Variants in CBLB observed in about 807,000 individuals in gnomAD.
The protein encoded by CBLB is Cbl proto-oncogene B, also known as E3 ubiquitin-protein ligase CBL-B.
In CBLB, 31 loss-of-function variants were observed where a neutral mutation model predicts 104.9. The ratio of observed to expected loss-of-function variants is 0.30; its 90% confidence interval spans 0.22 to 0.40. CBLB has a LOEUF of 0.40. CBLB is among the 10% of genes least tolerant of loss of function. The pLI, the probability that CBLB is intolerant of heterozygous loss-of-function variation, is 1.00. For missense variants in CBLB, 1,062 were observed against 1,214.6 expected, an observed-to-expected ratio of 0.87 and a Z score of 1.87; for synonymous variants, 440 against 422.6, an observed-to-expected ratio of 1.04 and a Z score of -0.51.
intron 4 of CBLB, among the ~76,000 whole-genome samples, chr3:105,769,758 G>A (rs900102297): frequency 1.3e-4 from 20 of 152,238 alleles, no homozygotes; most frequent in Non-Finnish European, 2.9e-4. Flanking sequence ...TCTAAAGCTT[G>A]TGATGTTTAA....
chr3:105,665,754 G>T (rs2152685421), intron 18 of CBLB, among the ~76,000 whole-genome samples: 1 of 150,444 alleles, frequency 6.6e-6, no homozygotes, highest in African/African-American at 2.4e-5. Context: ...TATCTGGCTG[G>T]GCGTGGTGAC....
intron 4 of CBLB, among the ~76,000 whole-genome samples, chr3:105,755,210 G>A (rs2076981678): frequency 1.3e-5 from 2 of 151,800 alleles, no homozygotes; most frequent in South Asian, 2.1e-4. Flanking sequence ...CCCAGAGTGT[G>A]ATATTCCCCT....
intron 3 of CBLB, among the ~76,000 whole-genome samples, chr3:105,822,099 ATTAT>A (rs1000876589): frequency 6.6e-6 from 1 of 152,148 alleles, no homozygotes; most frequent in African/African-American, 2.4e-5. Flanking sequence ...AACTTATATT[ATTAT>A]TTATCATTAT....
Position 105,755,546 on chromosome 3 carries a change from C to A in CBLB, c.567-3928G>T, listed in dbSNP as rs13071152. ...AAATATTTTCATGAAACCACTAGTT[C>A]ATAAAAGGCTACAGGGTTTTAGTTT... is the stretch of plus-strand genomic sequence containing the variant. On this transcript the variant is annotated intron_variant, in intron 4 of 18. Coordinates refer to ENST00000394030, the MANE Select transcript of CBLB (RefSeq NM_170662.5). Among the ~76,000 whole-genome samples, 1,160 of 150,216 alleles carry A rather than the reference C, an allele frequency of 7.7e-3. 10 individuals are homozygous for A. Among genetic ancestry groups the A allele is most frequent in the Non-Finnish European group, 0.011 (765 of 67,668 alleles).
At chr3:105,664,244 T>A (rs2064128032) in intron 18 of CBLB, among the ~76,000 whole-genome samples, 1 of 152,198 alleles carries the variant, frequency 6.6e-6, no homozygotes, top group Non-Finnish European at 1.5e-5. Flanking sequence ...CAAAGGGATT[T>A]AATGTGAAAG....
chr3:105,833,330 A>T (rs2087866978), intron 3 of CBLB, among the ~76,000 whole-genome samples: 1 of 152,216 alleles, frequency 6.6e-6, no homozygotes, highest in Non-Finnish European at 1.5e-5. Context: ...GATTCTGAAG[A>T]ACATTCCAGA....
At chr3:105,665,737 A>G (rs564805351) in intron 18 of CBLB, among the ~76,000 whole-genome samples, 4 of 150,436 alleles carry the variant, frequency 2.7e-5, no homozygotes, top group Admixed American at 2.0e-4. Flanking sequence ...TAAAATTTAT[A>G]TATCTGTATC....
chr3:105,839,926 T>G (rs1386108564), intron 3 of CBLB, among the ~76,000 whole-genome samples: 1 of 152,258 alleles, frequency 6.6e-6, no homozygotes, highest in African/African-American at 2.4e-5. Context: ...CAAAATGTGG[T>G]AAGGAGAATT....
At chr3:105,751,360 A>ATG (rs995577726) in intron 5 of CBLB, 102 bp downstream of exon 5, 93 of 798,936 alleles carry the variant, frequency 1.2e-4, no homozygotes, top group Non-Finnish European at 1.7e-4. Flanking sequence ...ATGTTTGTTT[A>ATG]TGTGTGTGTG....
chr3:105,869,044 G>T, upstream of CBLB: 6 of 1,033,904 alleles, frequency 5.8e-6, no homozygotes, highest in Non-Finnish European at 7.2e-6. Flanking sequence ...CAGGACCCAG[G>T]CTCGGGGCGG....
intron 18 of CBLB, among the ~76,000 whole-genome samples, chr3:105,664,075 A>T (rs2041491837): frequency 6.6e-6 from 1 of 152,114 alleles, no homozygotes; most frequent in Non-Finnish European, 1.5e-5. Context: ...TCCCCTCATC[A>T]TCTAAAGATT....
intron 3 of CBLB, among the ~76,000 whole-genome samples, chr3:105,841,778 A>G (rs1464063208): frequency 1.3e-5 from 2 of 152,138 alleles, no homozygotes; most frequent in African/African-American, 2.4e-5. Context: ...TAAGCTTACC[A>G]ATAATCCAAA....
intron 3 of CBLB, among the ~76,000 whole-genome samples, chr3:105,788,351 A>C (rs1021954812): frequency 6.6e-6 from 1 of 152,162 alleles, no homozygotes; most frequent in African/African-American, 2.4e-5. Context: ...TCCAGCTCTA[A>C]AGTAAAAAAA....
upstream of CBLB, chr3:105,869,361 G>C (rs1434996998): frequency 6.0e-6 from 8 of 1,341,836 alleles, no homozygotes; most frequent in South Asian, 1.2e-5. Flanking sequence ...AGGTGGGCGT[G>C]AGCGTCGGGA....
chr3:105,683,796 T>C (rs1245037616), intron 14 of CBLB, among the ~76,000 whole-genome samples: 1 of 152,234 alleles, frequency 6.6e-6, no homozygotes, highest in Non-Finnish European at 1.5e-5. Flanking sequence ...ACAGATGTCT[T>C]ATCTAAACAC....
At chr3:105,804,899 A>G (rs996963341) in intron 3 of CBLB, among the ~76,000 whole-genome samples, 1 of 152,114 alleles carries the variant, frequency 6.6e-6, no homozygotes, top group African/African-American at 2.4e-5. Context: ...AGAGTATCCC[A>G]TCTCTAATAC....
At chr3:105,731,336 A>C (rs112053452) in intron 9 of CBLB, among the ~76,000 whole-genome samples, 1 of 152,216 alleles carries the variant, frequency 6.6e-6, no homozygotes, top group Non-Finnish European at 1.5e-5. Flanking sequence ...ACTTTAAGTG[A>C]AACAACTTAC....
intron 4 of CBLB, among the ~76,000 whole-genome samples, chr3:105,759,887 A>G (rs940261056): frequency 2.6e-5 from 4 of 152,196 alleles, no homozygotes; most frequent in African/African-American, 9.6e-5. Flanking sequence ...CACCTGCTCC[A>G]TAGAGCACAC....
chr3:105,765,596 AAT>A (rs1311124320), intron 4 of CBLB, among the ~76,000 whole-genome samples: 1 of 152,184 alleles, frequency 6.6e-6, no homozygotes, highest in Non-Finnish European at 1.5e-5. Context: ...AGTTGAACAC[AAT>A]GTTCATTCAC....
Sources: allele counts gnomAD v4.1 joint callset (sites outside exome capture counted in the v4.1 genomes callset), GRCh38; gene constraint gnomAD v4.1.1; transcripts MANE v1.5; gene names NCBI Gene and HGNC (gene_info 2026-07-23, HGNC 2026-07-21).